The following TUBGCP4 variants were observed in gnomAD, a reference collection of about 807,000 sequenced individuals.
TUBGCP4 encodes tubulin gamma complex component 4, also known as gamma-tubulin complex component 4.
A neutral mutation model predicts 91.6 loss-of-function variants in TUBGCP4; 54 were observed. That is an observed-to-expected ratio of 0.59 (90% CI 0.47 to 0.74). The LOEUF is 0.74. Among genes scored for constraint, TUBGCP4 ranks in the 30% least tolerant of loss-of-function variants. The pLI is 0.00. For missense variants in TUBGCP4, 593 were observed against 800.9 expected (o/e 0.74, Z 3.13); for synonymous variants, 297 against 302.8 (o/e 0.98, Z 0.20).
At position 43,408,113 on chromosome 15, in the gene TUBGCP4, T is replaced by A; in HGVS notation, c.*2899T>A. 1 of 1,608,440 alleles carries A rather than the reference T, an allele frequency of 6.2e-7. No individual in the cohort carries two copies. The highest frequency in any genetic ancestry group is 2.2e-5 in the East Asian group (1 of 44,806). ...CCTATGAAGGAGACAGGAAAGGACC[T>A]TAGCATGACAAGTAATATCCAACAA... On this transcript the variant is annotated 3_prime_UTR_variant, in exon 18 of 18. Coordinates refer to ENST00000564079, the MANE Select transcript of TUBGCP4 (RefSeq NM_014444.5).
intron 17 of TUBGCP4, chr15:43,404,998 A>G (rs1391914569): frequency 6.8e-6 from 4 of 590,738 alleles, no homozygotes; most frequent in Admixed American, 6.6e-5. Context: ...TGTCATTCCC[A>G]TTCAGAAAAT....
In TUBGCP4 at chr15:43,408,457, G is replaced by A. The variant is rs1417742024; in HGVS notation, c.*3243G>A. The A allele has an allele frequency of 3.0e-5, 8 of 263,602 alleles. No homozygotes were observed. The highest frequency in any genetic ancestry group is 9.9e-5 in the Admixed American group (2 of 20,156). 16.3% of individuals were successfully genotyped at this position (263,602 alleles called of 1,614,324 possible). Reference sequence around the variant, plus strand: ...CACTGCGCCACTGTACTCCAGCCTAGGTGACAGAGCAAGACTTCATCTTAA... The same window carrying A: ...CACTGCGCCACTGTACTCCAGCCTAAGTGACAGAGCAAGACTTCATCTTAA... On this transcript the variant is annotated 3_prime_UTR_variant, in exon 18 of 18. Coordinates refer to ENST00000564079, the MANE Select transcript of TUBGCP4 (RefSeq NM_014444.5).
chr15:43,398,279 GCACACAC>G, intron 13 of TUBGCP4, 100 bp downstream of exon 13: 1 of 1,342,560 alleles, frequency 7.4e-7, no homozygotes, highest in Non-Finnish European at 1.0e-6. Context: ...AGGTGTGGTG[GCACACAC>G]CTGTAATCCC....
intron 9 of TUBGCP4, among the ~76,000 whole-genome samples, chr15:43,392,575 T>C (rs1448674400): frequency 6.6e-6 from 1 of 152,160 alleles, no homozygotes; most frequent in Non-Finnish European, 1.5e-5. Flanking sequence ...CTCGGCTCAC[T>C]GCAACCTCTG....
chr15:43,393,585 A>C (rs144482800), intron 9 of TUBGCP4, among the ~76,000 whole-genome samples: 1 of 152,058 alleles, frequency 6.6e-6, no homozygotes, highest in South Asian at 2.1e-4. Flanking sequence ...TCCTAATGCT[A>C]TCCCTCCCCG....
At chr15:43,376,652 C>T in intron 3 of TUBGCP4, 27 bp downstream of exon 3, 1 of 1,613,896 alleles carries the variant, frequency 6.2e-7, no homozygotes, top group Non-Finnish European at 8.5e-7. Flanking sequence ...ATAGGAAACA[C>T]CTCTGGGACA....
chr15:43,405,403 G>T lies in TUBGCP4; in HGVS notation c.*189G>T. 1.6e-6 allele frequency: 1 copy of T among 631,010 alleles called. No individual in the cohort carries two copies. The highest frequency in any genetic ancestry group is 2.8e-6 in the Non-Finnish European group (1 of 358,220). The allele number at this position is 631,010 out of a possible 1,614,324, so 39.1% of individuals were successfully genotyped here. A position where few individuals can be genotyped will look rare whatever the true frequency, so the allele number is the denominator to read the frequency against. On this transcript the variant is annotated 3_prime_UTR_variant, in exon 18 of 18. Coordinates refer to ENST00000564079, the MANE Select transcript of TUBGCP4 (RefSeq NM_014444.5). ...CCTTCCCATCATTCCCATGTGGAAG[G>T]GTCTCTCCCATCAAGGAGAACATGT...
chr15:43,392,280 T>C (rs916453397), intron 9 of TUBGCP4, among the ~76,000 whole-genome samples: 1 of 152,190 alleles, frequency 6.6e-6, no homozygotes, highest in African/African-American at 2.4e-5. Context: ...ACTTTACATA[T>C]TGTTTTGACT....
At chr15:43,383,645 C>A (rs535635299) in intron 7 of TUBGCP4, 141 bp downstream of exon 7, 20 of 633,732 alleles carry the variant, frequency 3.2e-5, no homozygotes, top group Non-Finnish European at 4.8e-5. Flanking sequence ...TCGGCTTTAT[C>A]TTAACTAGTG....
chr15:43,406,372 C>T lies in TUBGCP4; in HGVS notation c.*1158C>T. 1 of 315,738 alleles carries T rather than the reference C, an allele frequency of 3.2e-6. No individual in the cohort carries two copies. The highest frequency in any genetic ancestry group is 6.3e-6 in the Non-Finnish European group (1 of 159,460). 19.6% of individuals were successfully genotyped at this position (315,738 alleles called of 1,614,324 possible). ...CACTGGGAAGCTCTGACAACTTATT[C>T]CCTGCTATTATCAACTAAAGATCAC... On this transcript the variant is annotated 3_prime_UTR_variant, in exon 18 of 18. Transcript: ENST00000564079.
In TUBGCP4 at chr15:43,408,140, C is replaced by T. The variant is rs185498005; in HGVS notation, c.*2926C>T. 1.1e-4 allele frequency: 169 copies of T among 1,569,898 alleles called. No individual in the cohort carries two copies. The African/African-American group carries it at 2.0e-3, about 19-fold the overall frequency. On this transcript the variant is annotated 3_prime_UTR_variant, in exon 18 of 18. Coordinates refer to ENST00000564079, the MANE Select transcript of TUBGCP4 (RefSeq NM_014444.5). Reference sequence around the variant, plus strand: ...AGCATGACAAGTAATATCCAACAAACTGCCTTTCTGCAAAGGGACTCATGT... The same window carrying T: ...AGCATGACAAGTAATATCCAACAAATTGCCTTTCTGCAAAGGGACTCATGT...
rs34185848 is a variant in TUBGCP4 at position 43,401,451 on chromosome 15, C to CA, written c.1597-252dup. On this transcript the variant is annotated intron_variant, in intron 14 of 17. Coordinates refer to ENST00000564079, the MANE Select transcript of TUBGCP4 (RefSeq NM_014444.5). ...TGGGTGGCAGAGCAAGACTCCGTCT[C>CA]AAAAAAAAAAAAAGGAAAAAGAGAA... 0.22 allele frequency among the ~76,000 whole-genome samples: 24,245 copies of CA among 112,564 alleles called. 2,235 individuals are homozygous for CA. The highest frequency in any genetic ancestry group is 0.37 in the Middle Eastern group (76 of 206). The allele number at this position is 112,564 out of a possible 152,430, so 73.8% of individuals were successfully genotyped here. A position where few individuals can be genotyped will look rare whatever the true frequency, so the allele number is the denominator to read the frequency against.
In TUBGCP4 at chr15:43,405,922, C is replaced by T. The variant is rs1040607446; in HGVS notation, c.*708C>T. On this transcript the variant is annotated 3_prime_UTR_variant, in exon 18 of 18. Transcript: ENST00000564079. The stretch of plus-strand genomic sequence containing the variant: ...AGGTGTGGTGGCATGTGCCTGTAAT[C>T]CCAGCTACTCAGGAGGCTGAGACAG... 6.6e-6 allele frequency: 1 copy of T among 151,532 alleles called. No homozygotes were observed. Among genetic ancestry groups the T allele is most frequent in the Non-Finnish European group, 1.5e-5 (1 of 68,032 alleles). 9.4% of individuals were successfully genotyped at this position (151,532 alleles called of 1,614,324 possible).
At chr15:43,381,768 G>A (rs2044288670) in intron 6 of TUBGCP4, among the ~76,000 whole-genome samples, 1 of 151,942 alleles carries the variant, frequency 6.6e-6, no homozygotes, top group African/African-American at 2.4e-5. Context: ...AAACGCTAGT[G>A]TATCCTTTAG....
chr15:43,385,565 G>T, intron 7 of TUBGCP4: 1 of 537,156 alleles, frequency 1.9e-6, no homozygotes, highest in East Asian at 3.4e-5. Flanking sequence ...CAGAGTGAGG[G>T]CCCAAATCCC....
intron 7 of TUBGCP4, chr15:43,385,322 A>T (rs1449977975): frequency 8.8e-6 from 4 of 455,448 alleles, no homozygotes; most frequent in African/African-American, 8.0e-5. Context: ...ATGATTGCAG[A>T]GAGGTCTGTG....
chr15:43,405,276 A>G lies in TUBGCP4; in HGVS notation c.*62A>G. 6.3e-7 allele frequency: 1 copy of G among 1,575,216 alleles called. No homozygotes were observed. The highest frequency in any genetic ancestry group is 2.2e-5 in the East Asian group (1 of 44,708). Reference sequence around the variant, plus strand: ...TCCCAAGGTTGTAACAGAAGATTCAAAACATCCCATTCTAGCCACACACAA... The same window carrying G: ...TCCCAAGGTTGTAACAGAAGATTCAGAACATCCCATTCTAGCCACACACAA... On this transcript the variant is annotated 3_prime_UTR_variant, in exon 18 of 18. Coordinates refer to ENST00000564079, the MANE Select transcript of TUBGCP4 (RefSeq NM_014444.5).
At position 43,406,576 on chromosome 15, in the gene TUBGCP4, A is replaced by ATATT. The variant is rs1208605366; in HGVS notation, c.*1365_*1368dup. ...GATCAAATGGCCCACAAAGCCTGAA[A>ATATT]TATTTACTCTTTGACCCTTTACAGA... is the stretch of plus-strand genomic sequence containing the variant. On this transcript the variant is annotated 3_prime_UTR_variant, in exon 18 of 18. Transcript: ENST00000564079. 2 of 455,854 alleles carry ATATT rather than the reference A, an allele frequency of 4.4e-6. No individual in the cohort carries two copies. Among genetic ancestry groups the ATATT allele is most frequent in the Non-Finnish European group, 8.8e-6 (2 of 226,774 alleles). The allele number at this position is 455,854 out of a possible 1,614,324, so 28.2% of individuals were successfully genotyped here.
In TUBGCP4 at chr15:43,407,197, A is replaced by AGAT. The variant is rs1381289731; in HGVS notation, c.*1986_*1988dup. 6 of 584,696 alleles carry AGAT rather than the reference A, an allele frequency of 1.0e-5. No homozygotes were observed. The South Asian group carries it at 1.1e-4, about 11-fold the overall frequency. 36.2% of individuals were successfully genotyped at this position (584,696 alleles called of 1,614,324 possible). A position where few individuals can be genotyped will look rare whatever the true frequency, so the allele number is the denominator to read the frequency against. ...GTTCTGAGATTAAGCTCAAAAAAAC[A>AGAT]GATGAAGAAATCCCAGTTACTACAA... On this transcript the variant is annotated 3_prime_UTR_variant, in exon 18 of 18. Transcript: ENST00000564079.
Sources: allele counts gnomAD v4.1 joint callset (sites outside exome capture counted in the v4.1 genomes callset), GRCh38; gene constraint gnomAD v4.1.1; transcripts MANE v1.5; gene names NCBI Gene and HGNC (gene_info 2026-07-23, HGNC 2026-07-21).